Variants in GLT8D1 observed in about 807,000 individuals in gnomAD.
GLT8D1 encodes the protein glycosyltransferase 8 domain containing 1.
Under a neutral mutation model 46.2 loss-of-function variants are expected in GLT8D1, and 41 were observed. That is an observed-to-expected ratio of 0.89 (90% CI 0.69 to 1.15). GLT8D1 has a LOEUF of 1.15. Among genes scored for constraint, GLT8D1 ranks in the 50% most tolerant of loss-of-function variants. The pLI is 0.00. For synonymous variants in GLT8D1, 150 were observed against 154.2 expected, an observed-to-expected ratio of 0.97 and a Z score of 0.20; for missense variants, 408 against 449.3, an observed-to-expected ratio of 0.91 and a Z score of 0.83.
At position 52,697,457 on chromosome 3, in the gene GLT8D1, T is replaced by C. The variant is rs76913378; in HGVS notation, c.329+264A>G. 3.7e-3 allele frequency: 1,738 copies of C among 473,866 alleles called. 22 individuals are homozygous for C. Among genetic ancestry groups the C allele is most frequent in the African/African-American group, 0.03 (1,556 of 51,450 alleles). 29.4% of individuals were successfully genotyped at this position (473,866 alleles called of 1,614,324 possible). A position where few individuals can be genotyped will look rare whatever the true frequency, so the allele number is the denominator to read the frequency against. ...GCTCCCTTCACTGAGAAAGTATTATTATCAAAACACCATCAGGTGGGGTTA... is the reference window on the plus strand; with the variant it reads ...GCTCCCTTCACTGAGAAAGTATTATCATCAAAACACCATCAGGTGGGGTTA... On this transcript the variant is annotated intron_variant, in intron 4 of 9. Transcript: ENST00000266014.
Position 52,697,800 on chromosome 3 carries a change from T to C in GLT8D1, c.250A>G (p.Ile84Val), listed in dbSNP as rs1238118566. The C allele has an allele frequency of 6.2e-7, 1 of 1,613,978 alleles. No homozygotes were observed. Among genetic ancestry groups the C allele is most frequent in the African/African-American group, 1.3e-5 (1 of 75,046 alleles). ...CGAGTGTTGTGCTGAATGCTGTTTA[T>C]AGCTGCAATGGCCCCCCCAAGCCTG... Reference protein sequence around the residue: ...EDRLGGAIAAINSIQHNTRSN... With the variant: ...EDRLGGAIAAVNSIQHNTRSN... The change falls in exon 4 of 10, where the codon ATA becomes GTA. Residue 84 changes from isoleucine (I) to valine (V), a missense_variant. Transcript: ENST00000266014.
chr3:52,697,818 C>A lies in GLT8D1; in HGVS notation c.232G>T (p.Gly78Trp), dbSNP rs759685935. The A allele has an allele frequency of 6.2e-6, 10 of 1,613,680 alleles. No homozygotes were observed. Among genetic ancestry groups the A allele is most frequent in the South Asian group, 1.1e-5 (1 of 91,066 alleles). The change falls in exon 4 of 10, where the codon GGG (glycine) becomes TGG (tryptophan). Residue 78 changes from glycine to tryptophan, a missense_variant. Transcript: ENST00000266014. ...CTGTTTATAGCTGCAATGGCCCCCC[C>A]AAGCCTGTCTTCAGATGCAGCGATG... is the stretch of plus-strand genomic sequence containing the variant. ...VVIAASEDRL[G>W]GAIAAINSIQ...
At chr3:52,695,724 G>C in intron 7 of GLT8D1, 137 bp from the exon 8 acceptor site, 1 of 651,178 alleles carries the variant, frequency 1.5e-6, no homozygotes, top group Non-Finnish European at 2.7e-6. Context: ...AGTTAGAATA[G>C]GAACCTAGAT....
intron 3 of GLT8D1, among the ~76,000 whole-genome samples, chr3:52,698,831 C>A (rs2097336686): frequency 6.6e-6 from 1 of 151,350 alleles, no homozygotes; most frequent in Admixed American, 6.6e-5. Context: ...ATGTGCCAGG[C>A]AATATCTAGG....
At position 52,702,789 on chromosome 3, in the gene GLT8D1, C is replaced by CT. The variant is rs759588335; in HGVS notation, c.-36-2294dup. Among the ~76,000 whole-genome samples the CT allele has an allele frequency of 5.7e-3, 795 of 139,450 alleles. 2 individuals carry two copies. Among genetic ancestry groups the CT allele is most frequent in the South Asian group, 0.023 (101 of 4,376 alleles). 91.5% of individuals were successfully genotyped at this position (139,450 alleles called of 152,430 possible). On this transcript the variant is annotated intron_variant, in intron 1 of 9. Coordinates refer to ENST00000266014, the MANE Select transcript of GLT8D1 (RefSeq NM_018446.4). ...GAAAATACACATCTTTCTTTCTTTC[C>CT]TTTTTTTTTTTTTTCGAGACAGAGT...
intron 5 of GLT8D1, 65 bp downstream of exon 5, chr3:52,696,477 A>G (rs1578586973): frequency 9.6e-7 from 1 of 1,043,076 alleles, no homozygotes; most frequent in East Asian, 2.4e-5. Context: ...CTATACCCAC[A>G]GATACCCAGG....
chr3:52,700,285 C>T lies in GLT8D1; in HGVS notation c.92G>A (p.Ser31Asn). 1 of 1,612,826 alleles carries T rather than the reference C, an allele frequency of 6.2e-7. No homozygotes were observed. The highest frequency in any genetic ancestry group is 8.5e-7 in the Non-Finnish European group (1 of 1,179,016). Residue 31 changes from serine to asparagine, a missense_variant, in exon 3 of 10, where the codon AGT (serine) becomes AAT (asparagine). Transcript: ENST00000266014. ...VLHHNFLSLSSLLRNEVTDSG... is the reference protein window; with the variant it reads ...VLHHNFLSLSNLLRNEVTDSG... ...ACCTGTAACCTCATTCCTTAACAAA[C>T]TGCTCAAGCTGAGGAAGTTATGGTG...
In GLT8D1 at chr3:52,694,654, CA is replaced by C. The variant is rs2097330957; in HGVS notation, c.*190del. On this transcript the variant is annotated 3_prime_UTR_variant, in exon 10 of 10. Coordinates refer to ENST00000266014, the MANE Select transcript of GLT8D1 (RefSeq NM_018446.4). ...AAACACTTGGTAAGGCAGATGGAGACATATTTATAGTCTATAGTCTGTCTGG... is the reference window on the plus strand; with the variant it reads ...AAACACTTGGTAAGGCAGATGGAGACTATTTATAGTCTATAGTCTGTCTGG... The C allele has an allele frequency of 1.6e-6, 1 of 626,036 alleles. No homozygotes were observed. Among genetic ancestry groups the C allele is most frequent in the East Asian group, 2.7e-5 (1 of 36,612 alleles). 38.8% of individuals were successfully genotyped at this position (626,036 alleles called of 1,614,324 possible).
Position 52,700,437 on chromosome 3 carries a change from G to C in GLT8D1, c.16+8C>G, listed in dbSNP as rs2097338357. On this transcript the variant is annotated splice_region_variant and intron_variant, in intron 2 of 9. Transcript: ENST00000266014. Reference sequence around the variant, plus strand: ...ATAAAAACAACTTAACTTGTAGAAAGAGCATACCTTTACGGAATGACATCT... The same window carrying C: ...ATAAAAACAACTTAACTTGTAGAAACAGCATACCTTTACGGAATGACATCT... 1 of 1,596,490 alleles carries C rather than the reference G, an allele frequency of 6.3e-7. No individual in the cohort carries two copies. The highest frequency in any genetic ancestry group is 1.3e-5 in the African/African-American group (1 of 74,526).
At chr3:52,696,867 A>T (rs1206871633) in intron 4 of GLT8D1, among the ~76,000 whole-genome samples, 3 of 152,220 alleles carry the variant, frequency 2.0e-5, no homozygotes, top group African/African-American at 7.2e-5. Context: ...CTAACACTAA[A>T]ACTACTCTAG....
Position 52,695,941 on chromosome 3 carries a change from C to G in GLT8D1, c.632G>C (p.Gly211Ala). The G allele has an allele frequency of 2.5e-6, 4 of 1,598,488 alleles. No homozygotes were observed. Among genetic ancestry groups the G allele is most frequent in the Non-Finnish European group, 3.4e-6 (4 of 1,165,798 alleles). The change falls in exon 7 of 10, where the codon GGA (glycine) becomes GCA (alanine). Residue 211 changes from glycine to alanine, a missense_variant. Coordinates refer to ENST00000266014, the MANE Select transcript of GLT8D1 (RefSeq NM_018446.4). ...TAAGCAATTTACCTGGTTTCCTGCTCCACGGATGACAACTTTAGTAGAGGC... is the reference window on the plus strand; with the variant it reads ...TAAGCAATTTACCTGGTTTCCTGCTGCACGGATGACAACTTTAGTAGAGGC... Reference protein sequence around the residue: ...DSASTKVVIRGAGNQYNYIGY... With the variant: ...DSASTKVVIRAAGNQYNYIGY...
At chr3:52,702,015 C>T (rs977173388) in intron 1 of GLT8D1, among the ~76,000 whole-genome samples, 4 of 152,140 alleles carry the variant, frequency 2.6e-5, no homozygotes, top group Admixed American at 6.5e-5. Context: ...TCAAACATAG[C>T]GTATTGCAAT....
intron 1 of GLT8D1, chr3:52,705,000 G>C (rs1399269401): frequency 6.6e-6 from 1 of 152,320 alleles, no homozygotes; most frequent in African/African-American, 2.4e-5. Flanking sequence ...CATGAATGAG[G>C]ACAGCAGTCC....
rs2154101140 is a variant in GLT8D1, at chr3:52,705,638, GC to G, written c.-229del. The G allele has an allele frequency of 5.2e-6, 1 of 192,616 alleles. No homozygotes were observed. Among genetic ancestry groups the G allele is most frequent in the East Asian group, 1.5e-4 (1 of 6,674 alleles). 11.9% of individuals were successfully genotyped at this position (192,616 alleles called of 1,614,324 possible). On this transcript the variant is annotated 5_prime_UTR_variant, in exon 1 of 10. Coordinates refer to ENST00000266014, the MANE Select transcript of GLT8D1 (RefSeq NM_018446.4). ...TGCCAGCTCAGCGCCCGCGCCGCAG[GC>G]CCCGGAGCCCAGCCCGTTGTCTGGC... is the stretch of plus-strand genomic sequence containing the variant.
Position 52,695,195 on chromosome 3 carries a change from T to G in GLT8D1, c.920A>C (p.His307Pro), listed in dbSNP as rs915669421. 4 of 1,605,824 alleles carry G rather than the reference T, an allele frequency of 2.5e-6. No homozygotes were observed. Among genetic ancestry groups the G allele is most frequent in the African/African-American group, 1.3e-5 (1 of 74,778 alleles). ...CACTGGTTAATTCTACTTACCAAGG[T>G]GGCGGACATTCCACATAGGATCGAT... ...STIDPMWNVR[H>P]LGSSAGKRYS... Residue 307 changes from histidine to proline, a missense_variant, in exon 9 of 10, where the codon CAC becomes CCC. Coordinates refer to ENST00000266014, the MANE Select transcript of GLT8D1 (RefSeq NM_018446.4).
At chr3:52,702,864 G>A (rs112482174) in intron 1 of GLT8D1, among the ~76,000 whole-genome samples, 5,912 of 149,342 alleles carry the variant, frequency 0.04, 393 homozygotes, top group African/African-American at 0.14. Flanking sequence ...TTGGCTCACT[G>A]CAACCTCTGC....
chr3:52,700,199 G>C, intron 3 of GLT8D1, 63 bp downstream of exon 3: 1 of 985,930 alleles, frequency 1.0e-6, no homozygotes, highest in Non-Finnish European at 1.6e-6. Flanking sequence ...CTTAGGATGT[G>C]TGACACAGAG....
chr3:52,696,418 A>T (rs2097333657), intron 5 of GLT8D1, 100 bp from the exon 6 acceptor site: 2 of 1,050,072 alleles, frequency 1.9e-6, no homozygotes, highest in Admixed American at 1.7e-5. Context: ...TCAGGAGAAG[A>T]AAGGACTCTT....
intron 1 of GLT8D1, among the ~76,000 whole-genome samples, chr3:52,704,458 C>CAAAAAAAAAAAA (rs60851820): frequency 1.9e-5 from 1 of 53,558 alleles, no homozygotes; most frequent in Non-Finnish European, 3.5e-5. Context: ...GTCTTCGCCT[C>CAAAAAAAAAAAA]AAAAAAAAAA....
Sources: gnomAD v4.1 joint callset for allele counts (sites outside exome capture counted in the v4.1 genomes callset) on GRCh38, gnomAD v4.1.1 for gene constraint, MANE v1.5 for transcripts, NCBI Gene and HGNC (gene_info 2026-07-23, HGNC 2026-07-21) for gene names.